The following DLGAP1 variants were observed in gnomAD, a reference collection of about 807,000 sequenced individuals.
The protein encoded by DLGAP1 is disks large-associated protein 1.
A neutral mutation model predicts 90.8 loss-of-function variants in DLGAP1; 11 were observed. The observed-to-expected ratio is 0.12, with a 90% CI of 0.08 to 0.20. The LOEUF (loss-of-function observed/expected upper bound fraction) is 0.20. Ranked by LOEUF, DLGAP1 falls within the 10% of genes least tolerant of loss-of-function variation. The pLI, the probability that DLGAP1 is intolerant of heterozygous loss-of-function variation, is 1.00. For synonymous variants in DLGAP1, 558 were observed against 540.7 expected (o/e 1.03, Z -0.44); for missense variants, 1,050 against 1,333.8 (o/e 0.79, Z 3.31).
chr18:3,987,758 T>G (rs1368162135), intron 3 of DLGAP1, among the ~76,000 whole-genome samples: 1 of 152,240 alleles, frequency 6.6e-6, no homozygotes, highest in African/African-American at 2.4e-5. Context: ...CAGATTTCTA[T>G]GCATATTTTA....
At chr18:3,618,250 C>T (rs1225247723) in intron 7 of DLGAP1, among the ~76,000 whole-genome samples, 1 of 152,152 alleles carries the variant, frequency 6.6e-6, no homozygotes, top group African/African-American at 2.4e-5. Context: ...CAGAGTCCGG[C>T]CTTTAAGGGG....
intron 12 of DLGAP1, chr18:3,502,122 G>A: frequency 9.4e-7 from 1 of 1,058,954 alleles, no homozygotes; most frequent in Non-Finnish European, 1.1e-6. Flanking sequence ...TCCTAGGGGT[G>A]TAAGGAAGTT....
At chr18:3,744,395 G>C (rs972834061) in intron 5 of DLGAP1, among the ~76,000 whole-genome samples, 1 of 151,742 alleles carries the variant, frequency 6.6e-6, no homozygotes, top group Admixed American at 6.6e-5. Context: ...AAAAAGAAAC[G>C]CATCAAATTT....
chr18:4,438,992 G>C lies in DLGAP1; in HGVS notation c.-267+16014C>G, dbSNP rs371718159. 1.6e-4 allele frequency among the ~76,000 whole-genome samples: 25 copies of C among 152,206 alleles called. 2 individuals carry two copies. The highest frequency in any genetic ancestry group is 1.4e-3 in the Admixed American group (21 of 15,282). On this transcript the variant is annotated intron_variant, in intron 1 of 12. Transcript: ENST00000315677. ...GTGGCTAGCAATGTCACGTTAGGAAGAGGAGGAACTTTGTGCAAACTGGCT... is the reference window on the plus strand; with the variant it reads ...GTGGCTAGCAATGTCACGTTAGGAACAGGAGGAACTTTGTGCAAACTGGCT...
intron 7 of DLGAP1, among the ~76,000 whole-genome samples, chr18:3,614,528 A>C (rs2057764738): frequency 6.6e-6 from 1 of 152,098 alleles, no homozygotes; most frequent in South Asian, 2.1e-4. Context: ...ATCAAAAAGA[A>C]ACTATTCTTT....
At chr18:3,566,548 T>A (rs1489895279) in intron 9 of DLGAP1, among the ~76,000 whole-genome samples, 1 of 152,106 alleles carries the variant, frequency 6.6e-6, no homozygotes, top group Non-Finnish European at 1.5e-5. Context: ...TTCCTCCTTT[T>A]CAGATTTTCA....
chr18:3,940,736 T>C (rs929230468), intron 3 of DLGAP1, among the ~76,000 whole-genome samples: 2 of 152,254 alleles, frequency 1.3e-5, no homozygotes, highest in African/African-American at 4.8e-5. Context: ...GATTCCACAG[T>C]GGTTTTCATT....
intron 4 of DLGAP1, among the ~76,000 whole-genome samples, chr18:3,854,326 T>C (rs2069507835): frequency 6.6e-6 from 1 of 152,200 alleles, no homozygotes; most frequent in Non-Finnish European, 1.5e-5. Flanking sequence ...AACAATGAGA[T>C]ATTGGATACA....
intron 7 of DLGAP1, among the ~76,000 whole-genome samples, chr18:3,650,800 T>G (rs1454230955): frequency 1.3e-5 from 2 of 152,300 alleles, no homozygotes; most frequent in Non-Finnish European, 2.9e-5. Flanking sequence ...CAGGCATGGC[T>G]GCTCACGCCT....
chr18:4,055,643 C>T (rs1037058127), intron 2 of DLGAP1, among the ~76,000 whole-genome samples: 1 of 152,068 alleles, frequency 6.6e-6, no homozygotes, highest in African/African-American at 2.4e-5. Flanking sequence ...CAGTGCAAGT[C>T]CCAGGGTCAC....
At chr18:4,106,031 C>CAAAAAAAAAA (rs60176243) in intron 2 of DLGAP1, among the ~76,000 whole-genome samples, 25 of 102,270 alleles carry the variant, frequency 2.4e-4, no homozygotes, top group South Asian at 1.5e-3. Flanking sequence ...GGGTCCGTCT[C>CAAAAAAAAAA]AAAAAAAAAA....
chr18:3,818,859 G>A (rs918807379), intron 4 of DLGAP1, among the ~76,000 whole-genome samples: 2 of 151,652 alleles, frequency 1.3e-5, no homozygotes, highest in Non-Finnish European at 2.9e-5. Context: ...CTCCCAAAGT[G>A]CTGGGATTAC....
At chr18:3,773,869 T>C (rs1262838931) in intron 5 of DLGAP1, among the ~76,000 whole-genome samples, 2 of 152,216 alleles carry the variant, frequency 1.3e-5, no homozygotes, top group Admixed American at 6.5e-5. Context: ...AGTCAGATGT[T>C]AGAAGTATTC....
chr18:3,985,154 T>C (rs1390478703), intron 3 of DLGAP1, among the ~76,000 whole-genome samples: 1 of 152,194 alleles, frequency 6.6e-6, no homozygotes, highest in Non-Finnish European at 1.5e-5. Flanking sequence ...CTCTAACATA[T>C]CCTGATCCCC....
intron 7 of DLGAP1, among the ~76,000 whole-genome samples, chr18:3,676,422 C>T (rs2146825977): frequency 6.6e-6 from 1 of 152,212 alleles, no homozygotes; most frequent in Admixed American, 6.5e-5. Context: ...CTTTCTTTTT[C>T]TTCCTCCTTC....
At chr18:3,647,217 G>A (rs1013522570) in intron 7 of DLGAP1, among the ~76,000 whole-genome samples, 18 of 151,790 alleles carry the variant, frequency 1.2e-4, no homozygotes, top group African/African-American at 4.1e-4. Context: ...TTGTGCCATT[G>A]CACTCCAGCC....
chr18:3,866,904 G>A (rs1463991637), intron 4 of DLGAP1, among the ~76,000 whole-genome samples: 3 of 152,182 alleles, frequency 2.0e-5, no homozygotes, highest in East Asian at 1.9e-4. Context: ...AGGATGGAGT[G>A]CAGTGGTGCT....
chr18:3,981,151 G>A lies in DLGAP1; in HGVS notation c.-73+23965C>T, dbSNP rs148798566. On this transcript the variant is annotated intron_variant, in intron 3 of 12. Transcript: ENST00000315677. ...TCTCCAAAGACCTGTATTTTCATAC[G>A]GGCAGAATGCCGGATATTTGCCCCC... is the stretch of plus-strand genomic sequence containing the variant. Among the ~76,000 whole-genome samples, 427 of 152,268 alleles carry A rather than the reference G, an allele frequency of 2.8e-3. 1 individual carries two copies. Among genetic ancestry groups the A allele is most frequent in the African/African-American group, 9.2e-3 (382 of 41,548 alleles).
chr18:3,829,228 T>C (rs2067897899), intron 4 of DLGAP1, among the ~76,000 whole-genome samples: 1 of 152,248 alleles, frequency 6.6e-6, no homozygotes, highest in Non-Finnish European at 1.5e-5. Flanking sequence ...CAGCAATACC[T>C]ACTTCAGAGA....
Sources: allele counts gnomAD v4.1 joint callset (sites outside exome capture counted in the v4.1 genomes callset), GRCh38; gene constraint gnomAD v4.1.1; transcripts MANE v1.5; gene names NCBI Gene and HGNC (gene_info 2026-07-23, HGNC 2026-07-21).